STRBP: variants seen among roughly 807,000 people sequenced by gnomAD.
STRBP encodes the protein spermatid perinuclear RNA-binding protein.
A neutral mutation model predicts 80.1 loss-of-function variants in STRBP; 13 were observed. The observed-to-expected ratio is 0.16, with a 90% CI of 0.11 to 0.26. STRBP has a LOEUF of 0.26. Among genes scored for constraint, STRBP ranks in the 10% least tolerant of loss-of-function variants. STRBP has a pLI of 1.00. For synonymous variants in STRBP, 284 were observed against 291.2 expected (o/e 0.98, Z 0.25); for missense variants, 485 against 815.2 (o/e 0.59, Z 4.93).
intron 16 of STRBP, chr9:123,135,800 C>T (rs1403064775): frequency 9.4e-6 from 3 of 318,680 alleles, no homozygotes; most frequent in Non-Finnish European, 1.7e-5. Context: ...TGCTAATAGC[C>T]TCATATATAC....
intron 1 of STRBP, among the ~76,000 whole-genome samples, chr9:123,242,995 C>G (rs1193329376): frequency 6.6e-6 from 1 of 151,884 alleles, no homozygotes; most frequent in Non-Finnish European, 1.5e-5. Context: ...TGGAAAGACA[C>G]AAGACCAAGA....
intron 6 of STRBP, among the ~76,000 whole-genome samples, chr9:123,165,205 C>T (rs1053647854): frequency 8.1e-5 from 12 of 148,788 alleles, no homozygotes; most frequent in Admixed American, 4.1e-4. Flanking sequence ...CGCTTGAACC[C>T]GGGAGGCGGA....
chr9:123,146,982 T>C lies in STRBP; in HGVS notation c.1211A>G (p.Tyr404Cys). 1 of 1,614,138 alleles carries C rather than the reference T, an allele frequency of 6.2e-7. No individual in the cohort carries two copies. The highest frequency in any genetic ancestry group is 8.5e-7 in the Non-Finnish European group (1 of 1,179,998). ...GGGGCCAGACTGAGATAGGAGCTTA[T>C]ACTGAAGCCCAGGCCTGATCTGATT... ...RLNQIRPGLQ[Y>C]KLLSQSGPVH... Residue 404 changes from tyrosine (Y) to cysteine (C), a missense_variant, in exon 13 of 19, where the codon TAT becomes TGT. Tyr to Cys is a radical substitution (Grantham distance 194, BLOSUM62 -2). Coordinates refer to ENST00000348403, the MANE Select transcript of STRBP (RefSeq NM_018387.5).
At chr9:123,260,473 T>C (rs904894256) in intron 1 of STRBP, among the ~76,000 whole-genome samples, 1 of 152,252 alleles carries the variant, frequency 6.6e-6, no homozygotes, top group Non-Finnish European at 1.5e-5. Flanking sequence ...ATTATCTTTA[T>C]GTTACAGATA....
chr9:123,187,150 C>A (rs2038732365), intron 2 of STRBP, among the ~76,000 whole-genome samples: 1 of 151,882 alleles, frequency 6.6e-6, no homozygotes, highest in South Asian at 2.1e-4. Context: ...GATAACACAA[C>A]CTAAGTAAGA....
At chr9:123,212,354 T>C (rs1215321297) in intron 2 of STRBP, among the ~76,000 whole-genome samples, 1 of 152,188 alleles carries the variant, frequency 6.6e-6, no homozygotes, top group East Asian at 1.9e-4. Context: ...TGTCGAATGA[T>C]TTTCATATGT....
At chr9:123,161,608 C>T (rs1043801938) in intron 6 of STRBP, among the ~76,000 whole-genome samples, 3 of 152,068 alleles carry the variant, frequency 2.0e-5, no homozygotes, top group Non-Finnish European at 4.4e-5. Flanking sequence ...TAACCATTAA[C>T]AGAAACTCCA....
intron 1 of STRBP, among the ~76,000 whole-genome samples, chr9:123,252,337 G>A (rs1030541348): frequency 2.0e-5 from 3 of 152,096 alleles, no homozygotes; most frequent in Non-Finnish European, 2.9e-5. Flanking sequence ...CACCTCTAAC[G>A]CTACAGAGCT....
intron 2 of STRBP, among the ~76,000 whole-genome samples, chr9:123,196,163 G>C (rs1169945127): frequency 1.3e-5 from 2 of 152,130 alleles, no homozygotes; most frequent in Non-Finnish European, 2.9e-5. Context: ...GGGAAAACTG[G>C]ATATCCATAT....
chr9:123,134,458 AT>A (rs1325086522), intron 16 of STRBP, among the ~76,000 whole-genome samples: 6 of 152,378 alleles, frequency 3.9e-5, no homozygotes, highest in Middle Eastern at 3.4e-3. Context: ...TAACTGTGTC[AT>A]GCACAGGGAC....
intron 2 of STRBP, among the ~76,000 whole-genome samples, chr9:123,198,263 C>T (rs2132501898): frequency 6.6e-6 from 1 of 152,256 alleles, no homozygotes; most frequent in Admixed American, 6.5e-5. Flanking sequence ...ACCTCAGCCT[C>T]CCAAGTAGCT....
chr9:123,142,308 C>A (rs1030778375), intron 13 of STRBP, among the ~76,000 whole-genome samples: 1 of 152,170 alleles, frequency 6.6e-6, no homozygotes, highest in Non-Finnish European at 1.5e-5. Context: ...GCCCTTCTCT[C>A]TTCCTCCTGC....
chr9:123,145,309 C>A (rs919404940), intron 13 of STRBP, among the ~76,000 whole-genome samples: 15 of 152,142 alleles, frequency 9.9e-5, no homozygotes, highest in Admixed American at 9.8e-4. Context: ...AAAAGCAAAT[C>A]CAGGCCAACC....
chr9:123,218,164 T>C (rs1170612961), intron 2 of STRBP, among the ~76,000 whole-genome samples: 1 of 152,138 alleles, frequency 6.6e-6, no homozygotes, highest in East Asian at 1.9e-4. Flanking sequence ...TAATATTACC[T>C]CCTTCTCTCT....
intron 3 of STRBP, chr9:123,180,897 ATTTTG>A (rs1333084000): frequency 4.1e-6 from 4 of 981,140 alleles, no homozygotes; most frequent in Non-Finnish European, 3.6e-6. Context: ...CATGGTAAAT[ATTTTG>A]TTTTGAAGTC....
chr9:123,200,554 T>C (rs2039278821), intron 2 of STRBP, among the ~76,000 whole-genome samples: 1 of 150,760 alleles, frequency 6.6e-6, no homozygotes, highest in Admixed American at 6.6e-5. Context: ...GCTTTTTCTG[T>C]TGGCAATTTT....
chr9:123,223,900 T>C (rs1384634107), intron 2 of STRBP, among the ~76,000 whole-genome samples: 1 of 152,178 alleles, frequency 6.6e-6, no homozygotes, highest in Non-Finnish European at 1.5e-5. Flanking sequence ...GGTTTATTTT[T>C]TACTTCTGAC....
intron 6 of STRBP, 45 bp from the exon 7 acceptor site, chr9:123,161,113 A>G (rs117890060): frequency 7.5e-7 from 1 of 1,327,458 alleles, no homozygotes; most frequent in East Asian, 2.5e-5. Context: ...AATTTGACCA[A>G]GCGATTCCTA....
chr9:123,203,700 G>A (rs539606418), intron 2 of STRBP, among the ~76,000 whole-genome samples: 3 of 152,160 alleles, frequency 2.0e-5, no homozygotes, highest in Non-Finnish European at 2.9e-5. Context: ...GGCCAGGCGC[G>A]GTGGCTCACA....
Sources: allele counts gnomAD v4.1 joint callset (sites outside exome capture counted in the v4.1 genomes callset), GRCh38; gene constraint gnomAD v4.1.1; transcripts MANE v1.5; gene names NCBI Gene and HGNC (gene_info 2026-07-23, HGNC 2026-07-21).